Variants in ASB4 observed in about 807,000 individuals in gnomAD.
The protein encoded by ASB4 is ankyrin repeat and SOCS box containing 4, also known as ankyrin repeat and SOCS box protein 4.
Under a neutral mutation model 38.6 loss-of-function variants are expected in ASB4, and 35 were observed. The ratio of observed to expected loss-of-function variants is 0.91; its 90% CI spans 0.69 to 1.20. The LOEUF is 1.20. Among genes scored for constraint, ASB4 ranks in the 50% most tolerant of loss-of-function variants. ASB4 has a pLI of 0.00. For synonymous variants in ASB4, 195 were observed against 201.3 expected (o/e 0.97, Z 0.26); for missense variants, 557 against 527.2 (o/e 1.06, Z -0.55).
chr7:95,482,290 G>A (rs78263868), upstream of ASB4, among the ~76,000 whole-genome samples: 1,321 of 152,166 alleles, frequency 8.7e-3, 11 homozygotes, highest in African/African-American at 0.029. Context: ...TATAGCTATG[G>A]GACAAGACTG....
chr7:95,524,113 C>G (rs749185566), intron 2 of ASB4, among the ~76,000 whole-genome samples: 3 of 152,130 alleles, frequency 2.0e-5, no homozygotes, highest in Non-Finnish European at 4.4e-5. Flanking sequence ...ACCCAGTGAC[C>G]CAGCAATTCC....
At chr7:95,480,947 G>C (rs73711313), upstream of ASB4, among the ~76,000 whole-genome samples, 2 of 152,052 alleles carry the variant, frequency 1.3e-5, no homozygotes, top group East Asian at 3.8e-4. Flanking sequence ...TGATCAAATA[G>C]AATATCTAAT....
chr7:95,502,787 G>A (rs1050471066), intron 2 of ASB4, among the ~76,000 whole-genome samples: 2 of 152,084 alleles, frequency 1.3e-5, no homozygotes, highest in East Asian at 1.9e-4. Flanking sequence ...CATTTAAAAT[G>A]TACCACAATT....
chr7:95,518,160 G>A (rs1790610350), intron 2 of ASB4, among the ~76,000 whole-genome samples: 1 of 152,228 alleles, frequency 6.6e-6, no homozygotes, highest in African/African-American at 2.4e-5. Context: ...GAAATAACTA[G>A]TTTTCACCAA....
intron 3 of ASB4, among the ~76,000 whole-genome samples, chr7:95,533,549 T>C (rs1334405019): frequency 2.0e-5 from 3 of 152,238 alleles, no homozygotes; most frequent in African/African-American, 4.8e-5. Flanking sequence ...TCTGTCTTCA[T>C]CTCTTGATCT....
intron 1 of ASB4, among the ~76,000 whole-genome samples, chr7:95,491,982 A>G (rs1192641594): frequency 5.3e-5 from 8 of 152,158 alleles, no homozygotes; most frequent in African/African-American, 1.9e-4. Context: ...TTCCAGATAC[A>G]CTTCAGTATA....
intron 2 of ASB4, among the ~76,000 whole-genome samples, chr7:95,504,807 G>A (rs757037340): frequency 1.9e-4 from 29 of 152,266 alleles, no homozygotes; most frequent in Non-Finnish European, 3.4e-4. Context: ...CTAAAAGGCC[G>A]TGTCTTCTGG....
intron 2 of ASB4, among the ~76,000 whole-genome samples, chr7:95,505,242 A>G (rs77889413): frequency 1.3e-5 from 2 of 152,354 alleles, no homozygotes; most frequent in East Asian, 3.9e-4. Context: ...GGTTACAACT[A>G]GTAACTGAGT....
chr7:95,515,255 CTT>C (rs1562817156), intron 2 of ASB4, among the ~76,000 whole-genome samples: 42 of 123,590 alleles, frequency 3.4e-4, no homozygotes, highest in Middle Eastern at 4.1e-3. Flanking sequence ...TTCTTTCCTT[CTT>C]TCTTTCTTTC....
At chr7:95,546,898 G>A in the ASB4 span, among the ~76,000 whole-genome samples, 6 of 152,182 alleles carry the variant, frequency 3.9e-5, no homozygotes, top group Non-Finnish European at 8.8e-5. Context: ...ATTCAAAGGT[G>A]AATAATGGCA....
upstream of ASB4, among the ~76,000 whole-genome samples, chr7:95,475,848 A>G (rs573986114): frequency 2.3e-4 from 35 of 152,206 alleles, no homozygotes; most frequent in Non-Finnish European, 3.8e-4. Flanking sequence ...AATCCTTGCC[A>G]TGAGCTGGCA....
chr7:95,511,610 C>A (rs1389679766), intron 2 of ASB4, among the ~76,000 whole-genome samples: 1 of 151,068 alleles, frequency 6.6e-6, no homozygotes, highest in Non-Finnish European at 1.5e-5. Flanking sequence ...TGCGGTGAGC[C>A]GAGATTGCGC....
intron 2 of ASB4, among the ~76,000 whole-genome samples, chr7:95,500,659 C>A (rs566216770): frequency 6.6e-6 from 1 of 151,092 alleles, no homozygotes; most frequent in Non-Finnish European, 1.5e-5. Context: ...GCATATTCTC[C>A]TTCTTCTTTG....
At chr7:95,499,092 A>G (rs1428835090) in intron 2 of ASB4, among the ~76,000 whole-genome samples, 1 of 152,148 alleles carries the variant, frequency 6.6e-6, no homozygotes, top group African/African-American at 2.4e-5. Flanking sequence ...GAGTCCTCCT[A>G]GATCAGTTTT....
intron 2 of ASB4, among the ~76,000 whole-genome samples, chr7:95,522,991 G>T (rs1006854892): frequency 6.6e-6 from 1 of 152,076 alleles, no homozygotes; most frequent in Non-Finnish European, 1.5e-5. Context: ...AATGAAAACT[G>T]CTACAAATTT....
At chr7:95,508,302 TG>T (rs1199032375) in intron 2 of ASB4, among the ~76,000 whole-genome samples, 1 of 152,034 alleles carries the variant, frequency 6.6e-6, no homozygotes, top group Non-Finnish European at 1.5e-5. Flanking sequence ...ATGTGTGTGG[TG>T]GGAAGGCTTT....
chr7:95,536,419 T>C lies in ASB4; in HGVS notation c.979-18T>C, dbSNP rs1316227648. On this transcript the variant is annotated intron_variant, in intron 3 of 4. Coordinates refer to ENST00000325885, the MANE Select transcript of ASB4 (RefSeq NM_016116.3). ...TATATGTGCATCAAACAGATGAAAC[T>C]CTGTGCTTCCTCTGCAGGTGATACA... The C allele has an allele frequency of 6.7e-7, 1 of 1,499,262 alleles. No homozygotes were observed. The highest frequency in any genetic ancestry group is 9.3e-7 in the Non-Finnish European group (1 of 1,077,264). 92.9% of individuals were successfully genotyped at this position (1,499,262 alleles called of 1,614,324 possible).
intron 4 of ASB4, 110 bp downstream of exon 4, chr7:95,536,660 C>A (rs187750349): frequency 4.8e-6 from 3 of 625,498 alleles, no homozygotes; most frequent in South Asian, 2.0e-5. Flanking sequence ...GCCTTTAAAG[C>A]GTACTCAAAT....
intron 2 of ASB4, among the ~76,000 whole-genome samples, chr7:95,523,959 G>C (rs6958950): frequency 0.46 from 70,454 of 152,016 alleles, 16,898 homozygotes; most frequent in African/African-American, 0.59. Context: ...CTGCAACCAA[G>C]AAATTGGCTA....
Sources: gnomAD v4.1 joint callset for allele counts (sites outside exome capture counted in the v4.1 genomes callset) on GRCh38, gnomAD v4.1.1 for gene constraint, MANE v1.5 for transcripts, NCBI Gene and HGNC (gene_info 2026-07-23, HGNC 2026-07-21) for gene names.